Variants in NPAS3 observed in about 807,000 individuals in gnomAD.
NPAS3 encodes the protein neuronal PAS domain protein 3, also known as neuronal PAS domain-containing protein 3.
Under a neutral mutation model 73.1 loss-of-function variants are expected in NPAS3, and 14 were observed. The observed-to-expected ratio is 0.19, with a 90% CI of 0.13 to 0.30. The LOEUF is 0.30. NPAS3 is among the 10% of genes least tolerant of loss of function. The pLI, the probability that NPAS3 is intolerant of heterozygous loss-of-function variation, is 1.00. For missense variants in NPAS3, 1,096 were observed against 1,250.0 expected, an observed-to-expected ratio of 0.88 and a Z score of 1.86; for synonymous variants, 620 against 541.5, an observed-to-expected ratio of 1.14 and a Z score of -2.01.
At chr14:33,239,163 G>A (rs1000007463) in intron 3 of NPAS3, among the ~76,000 whole-genome samples, 3 of 151,818 alleles carry the variant, frequency 2.0e-5, no homozygotes, top group African/African-American at 7.2e-5. Flanking sequence ...GGAGGTAAGA[G>A]GACTTCTCAG....
intron 1 of NPAS3, among the ~76,000 whole-genome samples, chr14:33,049,139 C>T (rs552991853): frequency 3.3e-5 from 5 of 152,252 alleles, no homozygotes; most frequent in Non-Finnish European, 2.9e-5. Flanking sequence ...CTTTGATATA[C>T]CTGCACAATG....
chr14:33,760,014 T>G (rs931480577), intron 7 of NPAS3, among the ~76,000 whole-genome samples: 4 of 152,190 alleles, frequency 2.6e-5, no homozygotes, highest in Non-Finnish European at 5.9e-5. Context: ...CACTTGAATG[T>G]TGACAATTTC....
At chr14:33,683,343 T>C (rs2059993653) in intron 6 of NPAS3, among the ~76,000 whole-genome samples, 1 of 142,804 alleles carries the variant, frequency 7.0e-6, no homozygotes, top group Non-Finnish European at 1.5e-5. Context: ...TCTTTGCCAA[T>C]AGTGATTGAT....
intron 4 of NPAS3, among the ~76,000 whole-genome samples, chr14:33,436,765 ACCCTTGAGG>A (rs1365966020): frequency 6.6e-6 from 1 of 152,208 alleles, no homozygotes; most frequent in African/African-American, 2.4e-5. Flanking sequence ...TGGTTCGGAT[ACCCTTGAGG>A]CTCTTGGGGC....
rs564619495 is a variant in NPAS3, at chr14:33,121,359, T to G, written c.140+65365T>G. Among the ~76,000 whole-genome samples the G allele has an allele frequency of 1.4e-4, 21 of 152,272 alleles. No homozygotes were observed. In the South Asian group the frequency reaches 4.1e-3, roughly 30 times the overall value. On this transcript the variant is annotated intron_variant, in intron 2 of 11. Transcript: ENST00000356141. Reference sequence around the variant, plus strand: ...AATGAGTTGCCCTCTCCATGGGTTATCTGTAGCATTTAGGCCAACCTCTCA... The same window carrying G: ...AATGAGTTGCCCTCTCCATGGGTTAGCTGTAGCATTTAGGCCAACCTCTCA...
chr14:33,707,191 G>T (rs900014967), intron 6 of NPAS3, among the ~76,000 whole-genome samples: 1 of 152,300 alleles, frequency 6.6e-6, no homozygotes, highest in Middle Eastern at 3.4e-3. Flanking sequence ...CAGAGGAGTT[G>T]ATTCTGATTT....
chr14:33,336,102 G>A (rs2044214484), intron 3 of NPAS3, among the ~76,000 whole-genome samples: 1 of 152,112 alleles, frequency 6.6e-6, no homozygotes, highest in African/African-American at 2.4e-5. Context: ...TTTTATTATA[G>A]CCATTCTATT....
chr14:33,544,820 A>ATAT (rs11377851), intron 4 of NPAS3, among the ~76,000 whole-genome samples: 5 of 98,540 alleles, frequency 5.1e-5, no homozygotes, highest in African/African-American at 2.2e-4. Flanking sequence ...ATGTATATAT[A>ATAT]ATATATATGT....
At chr14:33,389,560 TATATTAA>T (rs2046912356) in intron 4 of NPAS3, among the ~76,000 whole-genome samples, 1 of 152,308 alleles carries the variant, frequency 6.6e-6, no homozygotes, top group East Asian at 1.9e-4. Context: ...GCAGCTCTCA[TATATTAA>T]AGGGCTTGAG....
chr14:33,308,478 G>C (rs1363212415), intron 3 of NPAS3, among the ~76,000 whole-genome samples: 2 of 145,880 alleles, frequency 1.4e-5, no homozygotes, highest in Non-Finnish European at 3.0e-5. Context: ...TTTGAAAATA[G>C]CCAACATTTT....
intron 3 of NPAS3, among the ~76,000 whole-genome samples, chr14:33,287,578 C>T (rs892092693): frequency 1.3e-5 from 2 of 152,126 alleles, no homozygotes; most frequent in Admixed American, 6.6e-5. Flanking sequence ...CTAATTCTCT[C>T]CATATTTACT....
intron 7 of NPAS3, among the ~76,000 whole-genome samples, chr14:33,745,848 T>C (rs142445722): frequency 4.4e-4 from 67 of 152,360 alleles, no homozygotes; most frequent in Middle Eastern, 3.4e-3. Flanking sequence ...AAATACGTCA[T>C]CTGTTCCTTT....
chr14:33,620,303 T>A (rs1433054134), intron 5 of NPAS3, among the ~76,000 whole-genome samples: 1 of 152,192 alleles, frequency 6.6e-6, no homozygotes, highest in Non-Finnish European at 1.5e-5. Flanking sequence ...GGTACTTCTG[T>A]CTCTGTTCCA....
intron 2 of NPAS3, among the ~76,000 whole-genome samples, chr14:33,179,921 T>C (rs1328388438): frequency 1.3e-5 from 2 of 152,242 alleles, no homozygotes; most frequent in African/African-American, 4.8e-5. Flanking sequence ...ACGTGATTCT[T>C]CTATGTAAAT....
intron 2 of NPAS3, among the ~76,000 whole-genome samples, chr14:33,100,906 A>G (rs1474064426): frequency 6.6e-6 from 1 of 152,176 alleles, no homozygotes. Context: ...TTACCTGAAT[A>G]TGTTTTTTTC....
At chr14:33,361,474 A>G (rs572162933) in intron 3 of NPAS3, among the ~76,000 whole-genome samples, 1 of 152,342 alleles carries the variant, frequency 6.6e-6, no homozygotes, top group East Asian at 1.9e-4. Flanking sequence ...GAAGCAATAT[A>G]AATACACTTC....
intron 4 of NPAS3, among the ~76,000 whole-genome samples, chr14:33,485,609 G>T (rs540857517): frequency 6.6e-6 from 1 of 152,106 alleles, no homozygotes; most frequent in African/African-American, 2.4e-5. Context: ...GAAGTGAAGC[G>T]TGTCCTCTTT....
chr14:33,505,920 C>T (rs1257861827), intron 4 of NPAS3, among the ~76,000 whole-genome samples: 1 of 151,948 alleles, frequency 6.6e-6, no homozygotes, highest in Non-Finnish European at 1.5e-5. Flanking sequence ...ATGCCAAGCT[C>T]ACTCTTCTTC....
intron 5 of NPAS3, among the ~76,000 whole-genome samples, chr14:33,593,859 T>C (rs2057152084): frequency 6.6e-6 from 1 of 152,140 alleles, no homozygotes; most frequent in Admixed American, 6.5e-5. Context: ...ACAGAGATGC[T>C]TCCTAGCAGG....
Sources: gnomAD v4.1 joint callset for allele counts (sites outside exome capture counted in the v4.1 genomes callset) on GRCh38, gnomAD v4.1.1 for gene constraint, MANE v1.5 for transcripts, NCBI Gene and HGNC (gene_info 2026-07-23, HGNC 2026-07-21) for gene names.